The following CEP162 variants were observed in gnomAD, a reference collection of about 807,000 sequenced individuals.
The protein encoded by CEP162 is centrosomal protein of 162 kDa.
In CEP162, 141 loss-of-function variants were observed where a neutral mutation model predicts 169.2. The ratio of observed to expected loss-of-function variants is 0.83; its 90% confidence interval spans 0.73 to 0.96. The LOEUF is 0.96. Among genes scored for constraint, CEP162 ranks in the 40% least tolerant of loss-of-function variants. The probability of loss-of-function intolerance (pLI) is 0.00; values close to 1 mark genes in which losing one functional copy is unlikely to be tolerated. For missense variants in CEP162, 1,600 were observed against 1,587.2 expected (o/e 1.01, Z -0.14); for synonymous variants, 540 against 526.4 (o/e 1.03, Z -0.35).
intron 6 of CEP162, among the ~76,000 whole-genome samples, chr6:84,211,231 A>G (rs2099549289): frequency 6.6e-6 from 1 of 151,950 alleles, no homozygotes; most frequent in South Asian, 2.1e-4. Flanking sequence ...AAAGAAAAAA[A>G]AAAAGGATGG....
intron 22 of CEP162, among the ~76,000 whole-genome samples, chr6:84,154,080 G>A (rs1381944242): frequency 6.6e-6 from 1 of 152,004 alleles, no homozygotes; most frequent in East Asian, 1.9e-4. Context: ...TGAATGTTTG[G>A]TATATACAGG....
At chr6:84,219,622 G>T (rs760458352) in intron 3 of CEP162, among the ~76,000 whole-genome samples, 1 of 152,118 alleles carries the variant, frequency 6.6e-6, no homozygotes, top group East Asian at 1.9e-4. Flanking sequence ...ACAAAGTTCA[G>T]CATGTTGCAT....
chr6:84,204,419 G>GA (rs1166463517), intron 6 of CEP162, among the ~76,000 whole-genome samples: 3 of 152,178 alleles, frequency 2.0e-5, no homozygotes, highest in Admixed American at 2.0e-4. Context: ...TCAGGATTGA[G>GA]AAACTCACTC....
chr6:84,126,334 A>C (rs567262398), intron 26 of CEP162, 44 bp downstream of exon 26: 1 of 1,411,170 alleles, frequency 7.1e-7, no homozygotes, highest in East Asian at 2.6e-5. Context: ...AAAGGCACTT[A>C]AAAGTAAAGA....
In CEP162 at chr6:84,186,557, T is replaced by C. The variant is rs1260861749; in HGVS notation, c.1176A>G (p.Pro392=). Residue 392 remains proline (P), a synonymous_variant, in exon 12 of 27, where the codon CCA becomes CCG. Coordinates refer to ENST00000403245, the MANE Select transcript of CEP162 (RefSeq NM_014895.4). ...GTTGTGAGTCTTGAGACAAAATATT[T>C]GGGTTCATCTTCAGGGGTAAAGAGC... is the stretch of plus-strand genomic sequence containing the variant. The part of the protein sequence containing the change: ...FFSSLPLKMN[P]NILSQDSQHV... 2 of 1,612,714 alleles carry C rather than the reference T, an allele frequency of 1.2e-6. No individual in the cohort carries two copies. The highest frequency in any genetic ancestry group is 1.7e-6 in the Non-Finnish European group (2 of 1,179,302).
Position 84,155,440 on chromosome 6 carries a change from G to T in CEP162, c.2852C>A (p.Ser951Ter), listed in dbSNP as rs141117051. The T allele has an allele frequency of 7.4e-6, 12 of 1,612,650 alleles. No homozygotes were observed. The African/African-American group carries it at 1.6e-4, about 22-fold the overall frequency. Residue 951 changes from serine (S) to a stop codon, truncating the protein, a stop_gained, in exon 22 of 27, where the codon TCA becomes TAA. Coordinates refer to ENST00000403245, the MANE Select transcript of CEP162 (RefSeq NM_014895.4). LOFTEE classifies it high-confidence loss of function. ...TTTATCCACTGTATCACCAGCTGCTGATGCAGCCAATATTAAAGCAGGTAA... is the reference window on the plus strand; with the variant it reads ...TTTATCCACTGTATCACCAGCTGCTTATGCAGCCAATATTAAAGCAGGTAA... ...NSLPALILAA[S>*]AAGDTVDKNT...
chr6:84,222,623 T>A (rs759437271), intron 2 of CEP162, among the ~76,000 whole-genome samples: 17 of 152,260 alleles, frequency 1.1e-4, no homozygotes, highest in Non-Finnish European at 2.4e-4. Flanking sequence ...CTTAAGTTGC[T>A]ACTGTTAGTA....
At chr6:84,205,786 G>C (rs1249634900) in intron 6 of CEP162, among the ~76,000 whole-genome samples, 1 of 151,626 alleles carries the variant, frequency 6.6e-6, no homozygotes, top group Non-Finnish European at 1.5e-5. Flanking sequence ...AATTGTCCCT[G>C]TTTGCAGATG....
chr6:84,153,421 A>G (rs544286563), intron 22 of CEP162, among the ~76,000 whole-genome samples: 11 of 152,306 alleles, frequency 7.2e-5, no homozygotes, highest in African/African-American at 2.6e-4. Context: ...CTTCATAACT[A>G]TTAACTTACA....
intron 6 of CEP162, among the ~76,000 whole-genome samples, chr6:84,204,461 G>C (rs899536132): frequency 2.0e-5 from 3 of 152,104 alleles, no homozygotes; most frequent in Non-Finnish European, 4.4e-5. Context: ...AACTGAACAA[G>C]CTGCTCCTGA....
At chr6:84,156,175 T>C (rs747326846) in intron 21 of CEP162, among the ~76,000 whole-genome samples, 9 of 152,072 alleles carry the variant, frequency 5.9e-5, no homozygotes, top group Non-Finnish European at 1.0e-4. Context: ...TGGATTGTCA[T>C]GTGCAAAAGA....
At chr6:84,226,266 A>T (rs1467594680) in intron 2 of CEP162, 71 bp downstream of exon 2, 8 of 1,010,934 alleles carry the variant, frequency 7.9e-6, no homozygotes, top group Non-Finnish European at 1.2e-5. Context: ...TGTATCTTCG[A>T]GATGACAGAA....
chr6:84,158,361 T>C (rs1405953602), intron 21 of CEP162, among the ~76,000 whole-genome samples: 2 of 152,180 alleles, frequency 1.3e-5, no homozygotes, highest in Non-Finnish European at 2.9e-5. Context: ...TAATTGAGGA[T>C]CAAATGACTT....
At chr6:84,128,013 T>A (rs1199395002) in intron 25 of CEP162, among the ~76,000 whole-genome samples, 2 of 152,208 alleles carry the variant, frequency 1.3e-5, no homozygotes, top group Non-Finnish European at 2.9e-5. Context: ...AAGCCTTATA[T>A]ATGTTTACTG....
chr6:84,160,088 C>CCGGTA (rs1323140655), intron 21 of CEP162, among the ~76,000 whole-genome samples: 1 of 152,020 alleles, frequency 6.6e-6, no homozygotes, highest in African/African-American at 2.4e-5. Flanking sequence ...GGAATAATAC[C>CCGGTA]CATATGTCTA....
chr6:84,146,393 T>C (rs1292352221), intron 25 of CEP162, among the ~76,000 whole-genome samples: 2 of 152,114 alleles, frequency 1.3e-5, no homozygotes, highest in Non-Finnish European at 2.9e-5. Flanking sequence ...GACTTCACTA[T>C]TCAATTTTGT....
At chr6:84,177,348 G>A (rs1383627971) in intron 13 of CEP162, among the ~76,000 whole-genome samples, 2 of 152,014 alleles carry the variant, frequency 1.3e-5, no homozygotes, top group Non-Finnish European at 2.9e-5. Flanking sequence ...AAACTTTCTG[G>A]GTTTGGTTTT....
Position 84,200,708 on chromosome 6 carries a change from T to C in CEP162, c.835+81A>G, listed in dbSNP as rs531088333. On this transcript the variant is annotated intron_variant, in intron 9 of 26. Transcript: ENST00000403245. ...TCATTATCAATATAGTTATTATATA[T>C]ATATTTCCTTAGAAATGTAGTCATA... 1.6e-4 allele frequency: 99 copies of C among 608,304 alleles called. No individual in the cohort carries two copies. The South Asian group carries it at 2.2e-3, about 13-fold the overall frequency. 37.7% of individuals were successfully genotyped at this position (608,304 alleles called of 1,614,324 possible). A position where few individuals can be genotyped will look rare whatever the true frequency, so the allele number is the denominator to read the frequency against.
intron 2 of CEP162, among the ~76,000 whole-genome samples, chr6:84,224,833 G>T (rs912358663): frequency 6.6e-6 from 1 of 152,072 alleles, no homozygotes; most frequent in African/African-American, 2.4e-5. Flanking sequence ...CTTCTAAAAG[G>T]CCTGTTCTGC....
Sources: allele counts gnomAD v4.1 joint callset (sites outside exome capture counted in the v4.1 genomes callset), GRCh38; gene constraint gnomAD v4.1.1; transcripts MANE v1.5; gene names NCBI Gene and HGNC (gene_info 2026-07-23, HGNC 2026-07-21).